Variants in ESR1 observed in about 807,000 individuals in gnomAD.
ESR1 encodes the protein estrogen receptor 1.
A neutral mutation model predicts 52.7 loss-of-function variants in ESR1; 12 were observed. The observed-to-expected ratio is 0.23, with a 90% CI of 0.15 to 0.37. The LOEUF is 0.37. Ranked by LOEUF, ESR1 falls within the 10% of genes least tolerant of loss-of-function variation. ESR1 has a pLI of 1.00. For missense variants in ESR1, 584 were observed against 779.7 expected, an observed-to-expected ratio of 0.75 and a Z score of 2.99; for synonymous variants, 305 against 316.8, an observed-to-expected ratio of 0.96 and a Z score of 0.39.
chr6:152,105,426 A>ATT (rs10717810), downstream of ESR1, among the ~76,000 whole-genome samples: 2 of 138,252 alleles, frequency 1.4e-5, no homozygotes, highest in African/African-American at 2.7e-5. Context: ...TCCTCTGTTA[A>ATT]TTTTTTTTTT....
intron 2 of ESR1, among the ~76,000 whole-genome samples, chr6:151,784,589 T>C (rs1786842479): frequency 6.6e-6 from 1 of 152,198 alleles, no homozygotes; most frequent in Admixed American, 6.5e-5. Flanking sequence ...GTCACAAGTT[T>C]CCCAGACTGA....
intron 3 of ESR1, among the ~76,000 whole-genome samples, chr6:151,893,950 A>T (rs116868689): frequency 0.02 from 3,044 of 152,294 alleles, 53 homozygotes; most frequent in South Asian, 0.085. Context: ...GGAGTGAGGG[A>T]TCAAGCAAGA....
intron 1 of ESR1, among the ~76,000 whole-genome samples, 200 bp downstream of exon 1, chr6:151,808,564 C>T (rs892657996): frequency 6.6e-6 from 1 of 152,166 alleles, no homozygotes; most frequent in African/African-American, 2.4e-5. Context: ...GTCAAGTTCT[C>T]TCGCCGGGCA....
At chr6:152,078,319 G>A (rs1045750014) in intron 6 of ESR1, among the ~76,000 whole-genome samples, 18 of 152,294 alleles carry the variant, frequency 1.2e-4, no homozygotes, top group African/African-American at 2.2e-4. Context: ...TTCTTCTGAC[G>A]ATATGGACTG....
chr6:151,717,105 G>A (rs6932703), intron 2 of ESR1, among the ~76,000 whole-genome samples: 36,743 of 152,046 alleles, frequency 0.24, 4,579 homozygotes, highest in African/African-American at 0.25. Context: ...CCTTGGCTAG[G>A]GGAGGGAGTT....
intron 3 of ESR1, among the ~76,000 whole-genome samples, chr6:151,926,469 T>C (rs993846265): frequency 3.9e-4 from 59 of 152,178 alleles, no homozygotes; most frequent in African/African-American, 1.4e-3. Flanking sequence ...AATATGAACA[T>C]GTAATAATAT....
At chr6:151,985,532 AAC>A (rs1562633023) in intron 4 of ESR1, among the ~76,000 whole-genome samples, 3 of 120,058 alleles carry the variant, frequency 2.5e-5, no homozygotes, top group Admixed American at 8.5e-5. Flanking sequence ...AAAAAAAAAA[AAC>A]ACAAACAAAA....
At chr6:152,078,674 C>G (rs1014063744) in intron 6 of ESR1, among the ~76,000 whole-genome samples, 7 of 152,174 alleles carry the variant, frequency 4.6e-5, no homozygotes, top group African/African-American at 2.4e-5. Flanking sequence ...AGGGTGTCAC[C>G]TCACCCACAA....
chr6:151,774,297 T>C (rs1214466733), intron 2 of ESR1, among the ~76,000 whole-genome samples: 1 of 152,248 alleles, frequency 6.6e-6, no homozygotes, highest in African/African-American at 2.4e-5. Context: ...GTATAGCATA[T>C]CACAGAAAAC....
intron 4 of ESR1, among the ~76,000 whole-genome samples, chr6:151,991,687 G>A (rs575668983): frequency 6.6e-6 from 1 of 152,216 alleles, no homozygotes; most frequent in South Asian, 2.1e-4. Flanking sequence ...GATGGGAAAG[G>A]ACATCGTGGT....
At chr6:151,812,721 T>C (rs761146588) in intron 1 of ESR1, among the ~76,000 whole-genome samples, 5 of 152,106 alleles carry the variant, frequency 3.3e-5, no homozygotes, top group Non-Finnish European at 7.4e-5. Context: ...GAGGAGCAAA[T>C]TAGTCTTTTG....
intron 2 of ESR1, among the ~76,000 whole-genome samples, chr6:151,764,214 C>T (rs1469170191): frequency 2.0e-5 from 3 of 152,106 alleles, no homozygotes; most frequent in African/African-American, 7.2e-5. Context: ...GTACGGTTGG[C>T]CACCCTATCT....
intron 4 of ESR1, among the ~76,000 whole-genome samples, chr6:152,005,499 A>T (rs966678269): frequency 6.6e-6 from 1 of 152,102 alleles, no homozygotes; most frequent in African/African-American, 2.4e-5. Flanking sequence ...AAAATATTTT[A>T]AAACAAAACA....
At chr6:152,071,842 C>T (rs1425321948) in intron 6 of ESR1, among the ~76,000 whole-genome samples, 1 of 152,100 alleles carries the variant, frequency 6.6e-6, no homozygotes, top group Non-Finnish European at 1.5e-5. Context: ...ACATCTTTTG[C>T]TCACTTTTCA....
In ESR1 at chr6:151,997,193, C is replaced by G. The variant is rs144968560; in HGVS notation, c.1097-14463C>G. Among the ~76,000 whole-genome samples the G allele has an allele frequency of 3.2e-3, 484 of 152,084 alleles. 6 individuals carry two copies. Among genetic ancestry groups the G allele is most frequent in the African/African-American group, 0.011 (458 of 41,522 alleles). ...GTTAATGGGGGTGGATCTGATCAGT[C>G]TTTGTAGGAAGTCAGTATTGGCATA... On this transcript the variant is annotated intron_variant, in intron 4 of 7. Transcript: ENST00000206249.
chr6:151,659,009 G>A (rs1268094955), intron 1 of ESR1, among the ~76,000 whole-genome samples: 1 of 152,120 alleles, frequency 6.6e-6, no homozygotes, highest in Non-Finnish European at 1.5e-5. Flanking sequence ...GCTAAGGCAA[G>A]TTTTTTTGCT....
intron 2 of ESR1, among the ~76,000 whole-genome samples, chr6:151,722,147 G>T (rs1781504083): frequency 6.6e-6 from 1 of 152,222 alleles, no homozygotes. Flanking sequence ...GATGGGGACA[G>T]CCCCTGAACG....
chr6:151,794,412 C>A (rs1256873986), intron 2 of ESR1, among the ~76,000 whole-genome samples: 1 of 152,222 alleles, frequency 6.6e-6, no homozygotes, highest in Non-Finnish European at 1.5e-5. Flanking sequence ...AGACTGTACA[C>A]ACATTTGCCA....
At chr6:151,922,701 G>C (rs796859251) in intron 3 of ESR1, among the ~76,000 whole-genome samples, 5 of 152,180 alleles carry the variant, frequency 3.3e-5, no homozygotes, top group African/African-American at 1.2e-4. Flanking sequence ...CTTCTCCAAG[G>C]AGCAATAATT....
Sources: gnomAD v4.1 joint callset for allele counts (sites outside exome capture counted in the v4.1 genomes callset) on GRCh38, gnomAD v4.1.1 for gene constraint, MANE v1.5 for transcripts, NCBI Gene and HGNC (gene_info 2026-07-23, HGNC 2026-07-21) for gene names.